CFDP1: variants seen among roughly 807,000 people sequenced by gnomAD.
CFDP1 encodes heterochromatin-stabilizing protein CFDP1.
CFDP1 carries 31 observed loss-of-function variants against 40.1 expected under a neutral mutation model. The observed-to-expected ratio is 0.77, with a 90% CI of 0.58 to 1.04. CFDP1 has a LOEUF of 1.04. CFDP1 is among the 50% of genes least tolerant of loss of function. The pLI, the probability that CFDP1 is intolerant of heterozygous loss-of-function variation, is 0.00. For missense variants in CFDP1, 423 were observed against 343.4 expected (o/e 1.23, Z -1.83); for synonymous variants, 167 against 120.0 (o/e 1.39, Z -2.56).
chr16:75,428,810 G>A (rs1401511837), intron 1 of CFDP1, among the ~76,000 whole-genome samples: 2 of 151,952 alleles, frequency 1.3e-5, no homozygotes, highest in African/African-American at 4.8e-5. Context: ...GATATATCAT[G>A]GTGACATATT....
intron 5 of CFDP1, among the ~76,000 whole-genome samples, chr16:75,372,818 A>G (rs1434454973): frequency 6.6e-6 from 1 of 152,196 alleles, no homozygotes; most frequent in Non-Finnish European, 1.5e-5. Context: ...TACCCTTTAA[A>G]TGTCTAATTT....
intron 5 of CFDP1, among the ~76,000 whole-genome samples, chr16:75,341,905 ACT>A (rs2078530039): frequency 6.6e-6 from 1 of 152,004 alleles, no homozygotes; most frequent in Non-Finnish European, 1.5e-5. Context: ...AGGTCTTTCG[ACT>A]CTGTTCTGGT....
intron 5 of CFDP1, among the ~76,000 whole-genome samples, chr16:75,368,700 T>A (rs990404060): frequency 6.6e-6 from 1 of 151,816 alleles, no homozygotes; most frequent in Non-Finnish European, 1.5e-5. Context: ...TTTTTTTTTT[T>A]AGACAGGGTC....
intron 1 of CFDP1, among the ~76,000 whole-genome samples, chr16:75,425,048 C>T (rs2079321690): frequency 1.3e-5 from 2 of 150,964 alleles, no homozygotes; most frequent in Admixed American, 6.6e-5. Context: ...ATACTAGTTA[C>T]AAACAATTAG....
chr16:75,356,056 TG>T (rs995749689), intron 5 of CFDP1, among the ~76,000 whole-genome samples: 1 of 152,236 alleles, frequency 6.6e-6, no homozygotes, highest in African/African-American at 2.4e-5. Context: ...TCTAAACTCC[TG>T]TTCCTGTGGA....
At position 75,399,005 on chromosome 16, in the gene CFDP1, C is replaced by T. The variant is rs141328875; in HGVS notation, c.531-3796G>A. On this transcript the variant is annotated intron_variant, in intron 4 of 6. Coordinates refer to ENST00000283882, the MANE Select transcript of CFDP1 (RefSeq NM_006324.3). Reference sequence around the variant, plus strand: ...CCGGGAGGTGGAGCTTGCAGTGAGCCGAAATCATGCCACTGCACTTCAGCC... The same window carrying T: ...CCGGGAGGTGGAGCTTGCAGTGAGCTGAAATCATGCCACTGCACTTCAGCC... Among the ~76,000 whole-genome samples, 105 of 148,932 alleles carry T rather than the reference C, an allele frequency of 7.1e-4. No individual in the cohort carries two copies. The East Asian group carries it at 0.012, about 18-fold the overall frequency.
intron 1 of CFDP1, among the ~76,000 whole-genome samples, chr16:75,415,323 C>A (rs2079194170): frequency 1.3e-5 from 2 of 152,206 alleles, no homozygotes; most frequent in Admixed American, 1.3e-4. Flanking sequence ...ACCCTGCCCA[C>A]ACAGAGATTC....
At chr16:75,362,494 T>G (rs2078686430) in intron 5 of CFDP1, among the ~76,000 whole-genome samples, 1 of 152,220 alleles carries the variant, frequency 6.6e-6, no homozygotes, top group Non-Finnish European at 1.5e-5. Flanking sequence ...ACATTTGACT[T>G]AAAAAATACT....
intron 1 of CFDP1, among the ~76,000 whole-genome samples, chr16:75,432,370 TAAAA>T (rs55961935): frequency 7.6e-5 from 8 of 105,576 alleles, no homozygotes; most frequent in South Asian, 6.7e-4. Context: ...ATGCCATTTC[TAAAA>T]AAAAAAAAAA....
chr16:75,351,708 G>T (rs1266327445), intron 5 of CFDP1, among the ~76,000 whole-genome samples: 1 of 152,088 alleles, frequency 6.6e-6, no homozygotes, highest in Non-Finnish European at 1.5e-5. Flanking sequence ...GAAAATAAAA[G>T]GATATGAAAA....
At chr16:75,422,496 G>A (rs2079291918) in intron 1 of CFDP1, among the ~76,000 whole-genome samples, 1 of 150,154 alleles carries the variant, frequency 6.7e-6, no homozygotes, top group Admixed American at 6.7e-5. Context: ...CCGGGTTCAA[G>A]TGATTCTCCT....
intron 5 of CFDP1, among the ~76,000 whole-genome samples, chr16:75,381,491 C>G (rs1027988701): frequency 6.6e-6 from 1 of 151,960 alleles, no homozygotes; most frequent in Non-Finnish European, 1.5e-5. Context: ...AAGGGAAAAA[C>G]TAAAGGTGAC....
At chr16:75,384,849 A>T (rs2078879343) in intron 5 of CFDP1, among the ~76,000 whole-genome samples, 1 of 73,992 alleles carries the variant, frequency 1.4e-5, no homozygotes, top group African/African-American at 4.8e-5. Flanking sequence ...GAAGAAACTA[A>T]AACTATATAT....
intron 5 of CFDP1, among the ~76,000 whole-genome samples, chr16:75,323,639 C>T (rs2078381929): frequency 6.6e-6 from 1 of 151,954 alleles, no homozygotes; most frequent in Non-Finnish European, 1.5e-5. Flanking sequence ...ATTTGCCGGG[C>T]CTGGTGGAGC....
intron 5 of CFDP1, among the ~76,000 whole-genome samples, chr16:75,351,905 A>C (rs917067738): frequency 6.7e-6 from 1 of 149,158 alleles, no homozygotes; most frequent in African/African-American, 2.5e-5. Flanking sequence ...CTACTCAGGA[A>C]GCTGAGGCAA....
chr16:75,323,514 C>A (rs1220473055), intron 5 of CFDP1, among the ~76,000 whole-genome samples: 4 of 151,744 alleles, frequency 2.6e-5, no homozygotes, highest in African/African-American at 9.7e-5. Flanking sequence ...GGTACAGTGG[C>A]TCACGCCTGT....
chr16:75,318,048 G>C (rs1027175066), intron 5 of CFDP1, among the ~76,000 whole-genome samples: 6 of 152,120 alleles, frequency 3.9e-5, no homozygotes, highest in Non-Finnish European at 7.4e-5. Flanking sequence ...TTGAACTTGG[G>C]AGGCAGAGGT....
rs976687705 is a variant in CFDP1, at chr16:75,294,024, G to A, written c.828C>T (p.Ala276=). The stretch of plus-strand genomic sequence containing the variant: ...GCCTGTGATCCACTCGGTCAAGGAA[G>A]GCTTTCCGTTCAATGTACCTAGAAG... ...RGKEGYIERK[A]FLDRVDHRQF... is the part of the protein sequence containing the mutation. The change falls in exon 7 of 7, where the codon GCC becomes GCT. Residue 276 remains alanine, a synonymous_variant. Transcript: ENST00000283882. The A allele has an allele frequency of 6.2e-7, 1 of 1,613,898 alleles. No individual in the cohort carries two copies.
chr16:75,299,986 G>C (rs1032406336), intron 6 of CFDP1, among the ~76,000 whole-genome samples: 2 of 152,166 alleles, frequency 1.3e-5, no homozygotes, highest in Admixed American at 1.3e-4. Flanking sequence ...GAAGAGGACA[G>C]AGGTAGGCAG....
Sources: gnomAD v4.1 joint callset for allele counts (sites outside exome capture counted in the v4.1 genomes callset) on GRCh38, gnomAD v4.1.1 for gene constraint, MANE v1.5 for transcripts, NCBI Gene and HGNC (gene_info 2026-07-23, HGNC 2026-07-21) for gene names.